The following ZNFX1 variants were observed in gnomAD, a reference collection of about 807,000 sequenced individuals.
The protein encoded by ZNFX1 is NFX1-type zinc finger-containing protein 1.
ZNFX1 carries 78 observed loss-of-function variants against 179.8 expected under a neutral mutation model. The observed-to-expected ratio is 0.43, with a 90% CI of 0.36 to 0.52. The LOEUF is 0.52. Among genes scored for constraint, ZNFX1 ranks in the 20% least tolerant of loss-of-function variants. The pLI, the probability that ZNFX1 is intolerant of heterozygous loss-of-function variation, is 0.00. For missense variants in ZNFX1, 1,927 were observed against 2,386.6 expected, an observed-to-expected ratio of 0.81 and a Z score of 4.01; for synonymous variants, 848 against 868.5, an observed-to-expected ratio of 0.98 and a Z score of 0.42.
chr20:49,259,024 C>T (rs571327231), intron 7 of ZNFX1, among the ~76,000 whole-genome samples: 1 of 150,718 alleles, frequency 6.6e-6, no homozygotes, highest in African/African-American at 2.4e-5. Flanking sequence ...ATTGCTCGAA[C>T]CTAGGAGGCA....
At position 49,269,966 on chromosome 20, in the gene ZNFX1, T is replaced by C. The variant is rs779908745; in HGVS notation, c.1846A>G (p.Ile616Val). Residue 616 changes from isoleucine to valine, a missense_variant, in exon 3 of 14, where the codon ATT becomes GTT. Physicochemically the swap from Ile to Val is conservative, Grantham distance 29 (BLOSUM62 3). Coordinates refer to ENST00000396105, the MANE Select transcript of ZNFX1 (RefSeq NM_021035.3). ...CCTGTTCCAGGAGGTCCTTGAATAATAGCCAGTTCCCTTGTGAGAGCAAAC... is the reference window on the plus strand; with the variant it reads ...CCTGTTCCAGGAGGTCCTTGAATAACAGCCAGTTCCCTTGTGAGAGCAAAC... ...LQFALTRELA[I>V]IQGPPGTGKT... 16 of 1,607,392 alleles carry C rather than the reference T, an allele frequency of 1.0e-5. No individual in the cohort carries two copies. Among genetic ancestry groups the C allele is most frequent in the East Asian group, 2.2e-5 (1 of 44,850 alleles).
chr20:49,251,837 T>A (rs1475503339), intron 12 of ZNFX1, among the ~76,000 whole-genome samples: 9 of 122,508 alleles, frequency 7.3e-5, no homozygotes. Flanking sequence ...TCTCTATTTT[T>A]CTTTCTTTTT....
intron 11 of ZNFX1, 81 bp downstream of exon 11, chr20:49,253,585 T>G: frequency 6.4e-7 from 1 of 1,560,526 alleles, no homozygotes; most frequent in Non-Finnish European, 8.7e-7. Context: ...TGAGGACTGT[T>G]GAAGCAGAGG....
Position 49,247,579 on chromosome 20 carries a change from A to G in ZNFX1, c.5445T>C (p.Ala1815=), listed in dbSNP as rs1006297432. 1.2e-6 allele frequency: 2 copies of G among 1,614,030 alleles called. No homozygotes were observed. Among genetic ancestry groups the G allele is most frequent in the African/African-American group, 1.3e-5 (1 of 74,932 alleles). ...DEQLVQEKME[A]LKATLPCSGL... ...CAGAGCAGGGAAGGGTGGCTTTCAG[A>G]GCTTCCATCTTTTCCTGCACAAGTT... Residue 1815 remains alanine, a synonymous_variant, in exon 14 of 14, where the codon GCT becomes GCC. Transcript: ENST00000396105.
rs759712939 is a variant in ZNFX1, at chr20:49,271,524, T to C, written c.288A>G (p.Arg96=). The change falls in exon 3 of 14, where the codon AGA becomes AGG. Residue 96 remains arginine (R), a synonymous_variant. Coordinates refer to ENST00000396105, the MANE Select transcript of ZNFX1 (RefSeq NM_021035.3). ...GHASDEARDQ[R]HDQENDTRWR... Reference sequence around the variant, plus strand: ...ACCTGGTGTCATTCTCCTGGTCATGTCTTTGGTCTCTAGCTTCGTCGCTGG... The same window carrying C: ...ACCTGGTGTCATTCTCCTGGTCATGCCTTTGGTCTCTAGCTTCGTCGCTGG... The C allele has an allele frequency of 2.1e-5, 34 of 1,614,150 alleles. 1 individual carries two copies. The South Asian group carries it at 2.3e-4, about 11-fold the overall frequency.
At position 49,247,395 on chromosome 20, in the gene ZNFX1, C is replaced by G; in HGVS notation, c.5629G>C (p.Gly1877Arg). ...GTCPDCKEVI[G>R]GTNHTLERSN... The stretch of plus-strand genomic sequence containing the variant: ...CTTTCCAGAGTATGATTTGTGCCAC[C>G]AATCACTTCCTTACAGTCAGGACAC... Residue 1877 changes from glycine to arginine, a missense_variant, in exon 14 of 14, where the codon GGT (glycine) becomes CGT (arginine). Physicochemically the swap from Gly to Arg is moderately radical, Grantham distance 125 (BLOSUM62 -2). Transcript: ENST00000396105. The G allele has an allele frequency of 6.2e-7, 1 of 1,614,172 alleles. No homozygotes were observed. Among genetic ancestry groups the G allele is most frequent in the Non-Finnish European group, 8.5e-7 (1 of 1,180,036 alleles).
rs1285570314 is a variant in ZNFX1, at chr20:49,270,499, T to G, written c.1313A>C (p.Lys438Thr). 6.2e-7 allele frequency: 1 copy of G among 1,614,232 alleles called. No individual in the cohort carries two copies. ...YKVQFDTKPL[K>T]FVRWQNSKRL... Reference sequence around the variant, plus strand: ...TTTGGAATTCTGCCAGCGAACAAACTTCAGTGGTTTTGTGTCAAACTGCAC... The same window carrying G: ...TTTGGAATTCTGCCAGCGAACAAACGTCAGTGGTTTTGTGTCAAACTGCAC... Residue 438 changes from lysine (K) to threonine (T), a missense_variant, in exon 3 of 14, where the codon AAG becomes ACG. Coordinates refer to ENST00000396105, the MANE Select transcript of ZNFX1 (RefSeq NM_021035.3). This position sits in a 1 kb window ranked among gnomAD's most constrained non-coding sequence, Gnocchi z 4.6.
At chr20:49,252,588 A>G (rs1410934277) in intron 12 of ZNFX1, 132 bp downstream of exon 12, 2 of 619,214 alleles carry the variant, frequency 3.2e-6, no homozygotes, top group Non-Finnish European at 5.7e-6. Flanking sequence ...TAAAACAGAA[A>G]ATGTAAGGTT....
rs1221605779 is a variant in ZNFX1 at position 49,247,306 on chromosome 20, G to T, written c.5718C>A (p.Asn1906Lys). ...AQHAAWSDTA[N>K]NLMNFEEIQG... ...GGATCTCCTCAAAGTTCATCAGGTT[G>T]TTGGCCGTGTCAGACCAGGCAGCAT... Residue 1906 changes from asparagine to lysine, a missense_variant, in exon 14 of 14, where the codon AAC (asparagine) becomes AAA (lysine). Transcript: ENST00000396105. 1 of 1,613,294 alleles carries T rather than the reference G, an allele frequency of 6.2e-7. No individual in the cohort carries two copies. Among genetic ancestry groups the T allele is most frequent in the Non-Finnish European group, 8.5e-7 (1 of 1,179,556 alleles).
chr20:49,257,028 C>T (rs112258368), intron 8 of ZNFX1, among the ~76,000 whole-genome samples: 3 of 152,264 alleles, frequency 2.0e-5, no homozygotes, highest in East Asian at 3.9e-4. Context: ...CTGGAGGTCT[C>T]GCTTCATTGC....
In ZNFX1 at chr20:49,263,393, A is replaced by G. The variant is rs781684582; in HGVS notation, c.2242T>C (p.Tyr748His). The change falls in exon 6 of 14, where the codon TAC (tyrosine) becomes CAC (histidine). Residue 748 changes from tyrosine to histidine, a missense_variant. Coordinates refer to ENST00000396105, the MANE Select transcript of ZNFX1 (RefSeq NM_021035.3). Reference protein sequence around the residue: ...CTMRGVLREQYLQKYISPQHW... With the variant: ...CTMRGVLREQHLQKYISPQHW... ...TGGGGTGAGATGTACTTCTGCAGGT[A>G]CTGTTCCCGTAGGACACCACGCATG... The G allele has an allele frequency of 1.9e-6, 3 of 1,613,888 alleles. No homozygotes were observed. Among genetic ancestry groups the G allele is most frequent in the Admixed American group, 1.7e-5 (1 of 59,986 alleles).
chr20:49,268,122 G>A (rs887004607), intron 3 of ZNFX1, among the ~76,000 whole-genome samples: 1 of 151,922 alleles, frequency 6.6e-6, no homozygotes, highest in Admixed American at 6.6e-5. Context: ...TGATCCACCC[G>A]CCTCAGCCTC....
At chr20:49,261,564 G>C (rs1383187235) in intron 6 of ZNFX1, among the ~76,000 whole-genome samples, 1 of 152,180 alleles carries the variant, frequency 6.6e-6, no homozygotes, top group Admixed American at 6.5e-5. Flanking sequence ...GTGGAGGATG[G>C]GAGGAGGGAG....
chr20:49,248,540 A>G lies in ZNFX1; in HGVS notation c.4484T>C (p.Val1495Ala). ...ACATTTCTTCTTGCACTGGCTGTGG[A>G]CACAGCGGTTCTGACAGGTCCGCTG... ...PCQRTCQNRC[V>A]HSQCKKKCGE... The change falls in exon 14 of 14, where the codon GTC (valine) becomes GCC (alanine). Residue 1495 changes from valine (V) to alanine (A), a missense_variant. By Grantham distance (64) the Val-to-Ala change is moderately conservative. Transcript: ENST00000396105. The surrounding 1 kb of genome is among the most constrained non-coding windows in gnomAD (Gnocchi z 4.6). 1 of 1,614,214 alleles carries G rather than the reference A, an allele frequency of 6.2e-7. No individual in the cohort carries two copies. The highest frequency in any genetic ancestry group is 2.2e-5 in the East Asian group (1 of 44,890).
rs752121117 is a variant in ZNFX1 at position 49,248,512 on chromosome 20, C to T, written c.4512G>A (p.Gly1504=). ...CVHSQCKKKC[G]ELCSPCVEPC... ...GTTCCACGCAGGGACTACACAGCTC[C>T]CCACATTTCTTCTTGCACTGGCTGT... Residue 1504 remains glycine, a synonymous_variant, in exon 14 of 14, where the codon GGG becomes GGA. Coordinates refer to ENST00000396105, the MANE Select transcript of ZNFX1 (RefSeq NM_021035.3). This position sits in a 1 kb window ranked among gnomAD's most constrained non-coding sequence, Gnocchi z 4.6. The T allele has an allele frequency of 1.2e-6, 2 of 1,614,174 alleles. No individual in the cohort carries two copies. The highest frequency in any genetic ancestry group is 2.2e-5 in the East Asian group (1 of 44,882).
At position 49,247,988 on chromosome 20, in the gene ZNFX1, G is replaced by C. The variant is rs1473864990; in HGVS notation, c.5036C>G (p.Pro1679Arg). The C allele has an allele frequency of 1.2e-6, 2 of 1,614,116 alleles. No individual in the cohort carries two copies. Among genetic ancestry groups the C allele is most frequent in the South Asian group, 1.1e-5 (1 of 91,074 alleles). Residue 1679 changes from proline (P) to arginine (R), a missense_variant, in exon 14 of 14, where the codon CCT (proline) becomes CGT (arginine). Coordinates refer to ENST00000396105, the MANE Select transcript of ZNFX1 (RefSeq NM_021035.3). ...ERKSLLHQLLPEDFLMLKEKL... is the reference protein window; with the variant it reads ...ERKSLLHQLLREDFLMLKEKL... Reference sequence around the variant, plus strand: ...CTCCTTTAACATCAGGAAGTCTTCAGGAAGCAGCTGGTGGAGGAGGCTCTT... The same window carrying C: ...CTCCTTTAACATCAGGAAGTCTTCACGAAGCAGCTGGTGGAGGAGGCTCTT...
chr20:49,253,594 G>C (rs1327407230), intron 11 of ZNFX1, 72 bp downstream of exon 11: 1 of 1,586,274 alleles, frequency 6.3e-7, no homozygotes, highest in East Asian at 2.2e-5. Context: ...TTGAAGCAGA[G>C]GCCAGGGTCT....
At chr20:49,266,840 G>T (rs893253730) in intron 3 of ZNFX1, among the ~76,000 whole-genome samples, 1 of 152,080 alleles carries the variant, frequency 6.6e-6, no homozygotes, top group East Asian at 1.9e-4. Context: ...TGGAATAAGA[G>T]TTATAGGCTC....
rs781074811 is a variant in ZNFX1, at chr20:49,248,421, G to A, written c.4603C>T (p.Pro1535Ser). The change falls in exon 14 of 14, where the codon CCA becomes TCA. Residue 1535 changes from proline (P) to serine (S), a missense_variant. Physicochemically the swap from Pro to Ser is moderately conservative, Grantham distance 74. Coordinates refer to ENST00000396105, the MANE Select transcript of ZNFX1 (RefSeq NM_021035.3). This position sits in a 1 kb window ranked among gnomAD's most constrained non-coding sequence, Gnocchi z 4.6. ...AGCTTAGTACAAGGCACATAGCATG[G>A]GGGTCGGTTGCAGGGCTCAGAGCAG... ...KLCSEPCNRP[P>S]CYVPCTKLLV... 2 of 1,608,728 alleles carry A rather than the reference G, an allele frequency of 1.2e-6. No individual in the cohort carries two copies. Among genetic ancestry groups the A allele is most frequent in the Admixed American group, 1.7e-5 (1 of 59,776 alleles).
Sources: gnomAD v4.1 joint callset for allele counts (sites outside exome capture counted in the v4.1 genomes callset) on GRCh38, gnomAD v4.1.1 for gene constraint, Gnocchi (gnomAD v3.1) non-coding constraint, MANE v1.5 for transcripts, NCBI Gene and HGNC (gene_info 2026-07-23, HGNC 2026-07-21) for gene names.